RGPD1: variants seen among roughly 807,000 people sequenced by gnomAD.
The protein encoded by RGPD1 is RANBP2 like and GRIP domain containing 1.
In RGPD1, 7 loss-of-function variants were observed where a neutral mutation model predicts 40.6. The observed-to-expected ratio is 0.17, with a 90% confidence interval of 0.10 to 0.32. The LOEUF is 0.32. Ranked by LOEUF, RGPD1 falls within the 10% of genes least tolerant of loss-of-function variation. The pLI is 1.00. For synonymous variants in RGPD1, 24 were observed against 167.0 expected, an observed-to-expected ratio of 0.14 and a Z score of 6.60; for missense variants, 50 against 472.5, an observed-to-expected ratio of 0.11 and a Z score of 8.29.
chr2:86,920,143 C>G (rs1028021602), intron 1 of RGPD1, among the ~76,000 whole-genome samples: 1 of 151,926 alleles, frequency 6.6e-6, no homozygotes, highest in Non-Finnish European at 1.5e-5. Flanking sequence ...TATCCTGGCT[C>G]ATTACAACCT....
At chr2:86,945,353 T>C (rs1349976789) in intron 1 of RGPD1, among the ~76,000 whole-genome samples, 3 of 151,972 alleles carry the variant, frequency 2.0e-5, no homozygotes, top group Admixed American at 1.3e-4. Context: ...TAAAGTTAGG[T>C]TTGAGTGAAA....
At chr2:86,941,268 C>T (rs1219838589), upstream of RGPD1, among the ~76,000 whole-genome samples, 1 of 149,148 alleles carries the variant, frequency 6.7e-6, no homozygotes. Flanking sequence ...CCAAAATAGA[C>T]ATTTTTGAAG....
At chr2:86,914,131 GGGCGGCGGCGGC>G (rs1168224704) in intron 1 of RGPD1, among the ~76,000 whole-genome samples, 8 of 27,388 alleles carry the variant, frequency 2.9e-4, no homozygotes, top group East Asian at 1.2e-3. Context: ...CGGCCTGGCC[GGGCGGCGGCGGC>G]GGCGGCGGCG....
intron 1 of RGPD1, among the ~76,000 whole-genome samples, chr2:86,931,353 T>A (rs1426834404): frequency 6.6e-6 from 1 of 151,432 alleles, no homozygotes; most frequent in East Asian, 1.9e-4. Flanking sequence ...TTTTACTTGA[T>A]CCTCCGTGCT....
At chr2:86,941,450 C>T (rs1313733592), upstream of RGPD1, among the ~76,000 whole-genome samples, 1 of 148,890 alleles carries the variant, frequency 6.7e-6, no homozygotes, top group Non-Finnish European at 1.5e-5. Context: ...TGCAGTGGCG[C>T]TATCACAGTT....
chr2:86,914,253 G>GCCT (rs1428012109), intron 1 of RGPD1, among the ~76,000 whole-genome samples: 2 of 96,348 alleles, frequency 2.1e-5, no homozygotes, highest in Non-Finnish European at 4.1e-5. Context: ...GGCGGCGGCG[G>GCCT]CGGCCTCGGC....
In RGPD1 at chr2:86,942,141, C is replaced by A. The variant is rs1042285347; in HGVS notation, c.-96C>A. On this transcript the variant is annotated 5_prime_UTR_variant, in exon 1 of 23. Transcript: ENST00000641458. ...CGTCACAGTGGTCCTCCGCCGGCTA[C>A]GTCAGTGGCTTTCAGGCGCTTTCCT... The A allele has an allele frequency of 1.7e-5, 26 of 1,486,734 alleles. No individual in the cohort carries two copies. The highest frequency in any genetic ancestry group is 5.3e-5 in the East Asian group (2 of 37,784). The allele number at this position is 1,486,734 out of a possible 1,614,324, so 92.1% of individuals were successfully genotyped here. A position where few individuals can be genotyped will look rare whatever the true frequency, so the allele number is the denominator to read the frequency against.
intron 1 of RGPD1, among the ~76,000 whole-genome samples, chr2:86,942,920 C>T (rs1038002465): frequency 1.3e-4 from 20 of 151,930 alleles, no homozygotes; most frequent in African/African-American, 4.1e-4. Flanking sequence ...GGTGCTCGCT[C>T]GTGGGCCCGC....
chr2:86,941,240 A>G (rs1320909842), upstream of RGPD1, among the ~76,000 whole-genome samples: 1 of 150,428 alleles, frequency 6.6e-6, no homozygotes, highest in Non-Finnish European at 1.5e-5. Flanking sequence ...TAAAAGTAAG[A>G]TTTTAATATC....
chr2:86,940,960 A>T (rs1679695449), upstream of RGPD1, among the ~76,000 whole-genome samples: 1 of 152,074 alleles, frequency 6.6e-6, no homozygotes, highest in Admixed American at 6.6e-5. Context: ...CTTTTCTTTT[A>T]TTCACATCCA....
chr2:86,939,616 TTC>T (rs1679594365), upstream of RGPD1, among the ~76,000 whole-genome samples: 1 of 136,296 alleles, frequency 7.3e-6, no homozygotes, highest in African/African-American at 2.8e-5. Flanking sequence ...GAAAAGAAGG[TTC>T]TCTCTTTGGG....
chr2:86,998,792 G>A (rs28712581), intron 22 of RGPD1, among the ~76,000 whole-genome samples: 129 of 2,612 alleles, frequency 0.049, no homozygotes, highest in East Asian at 0.26. Flanking sequence ...CATCTCTAAC[G>A]GTTTTCAACT....
At chr2:86,944,844 A>ACTACAGGCATGCCAG (rs1277926375) in intron 1 of RGPD1, among the ~76,000 whole-genome samples, 3 of 151,856 alleles carry the variant, frequency 2.0e-5, no homozygotes, top group African/African-American at 4.8e-5. Context: ...GGTAGCTGAG[A>ACTACAGGCATGCCAG]CTACAGGCAT....
intron 1 of RGPD1, among the ~76,000 whole-genome samples, chr2:86,919,718 G>A (rs1391807476): frequency 1.7e-5 from 2 of 117,668 alleles, no homozygotes; most frequent in Non-Finnish European, 3.3e-5. Flanking sequence ...AATTACACCT[G>A]CCTCCATACC....
At chr2:86,954,780 C>G (rs1333392117) in intron 4 of RGPD1, among the ~76,000 whole-genome samples, 1 of 150,390 alleles carries the variant, frequency 6.6e-6, no homozygotes, top group African/African-American at 2.4e-5. Flanking sequence ...AGTTTTCTTT[C>G]ATTTTATCAT....
In RGPD1 at chr2:86,974,514, G is replaced by GT; in HGVS notation, c.1631+2dup. On this transcript the variant is annotated splice_donor_variant, in intron 11 of 22. Transcript: ENST00000641458. LOFTEE classifies it high-confidence loss of function. ...GTACTCTGATTCACAGAAAAGCAGTGTAAGTAGTAAAACAAAAATATTGCT... is the reference window on the plus strand; with the variant it reads ...GTACTCTGATTCACAGAAAAGCAGTGTTAAGTAGTAAAACAAAAATATTGCT... 1.8e-5 allele frequency: 4 copies of GT among 219,534 alleles called. No individual in the cohort carries two copies. Among genetic ancestry groups the GT allele is most frequent in the South Asian group, 3.6e-5 (1 of 27,668 alleles). The allele number at this position is 219,534 out of a possible 1,614,324, so 13.6% of individuals were successfully genotyped here. A position where few individuals can be genotyped will look rare whatever the true frequency, so the allele number is the denominator to read the frequency against.
At chr2:86,988,468 CA>C (rs1208500939) in intron 20 of RGPD1, among the ~76,000 whole-genome samples, 3 of 61,376 alleles carry the variant, frequency 4.9e-5, no homozygotes, top group South Asian at 7.3e-4. Context: ...AACAAAAAAA[CA>C]AAAAAAACCA....
rs567035757 is a variant in RGPD1 at position 86,942,684 on chromosome 2, C to T, written c.72+376C>T. Reference sequence around the variant, plus strand: ...GCGGCGGCGGCGGCCTCGACCTGGCCGGGCGGCGGTGGCCTCGACGTGGCC... The same window carrying T: ...GCGGCGGCGGCGGCCTCGACCTGGCTGGGCGGCGGTGGCCTCGACGTGGCC... On this transcript the variant is annotated intron_variant, in intron 1 of 22. Coordinates refer to ENST00000641458, the MANE Select transcript of RGPD1 (RefSeq NM_001382344.1). Among the ~76,000 whole-genome samples the T allele has an allele frequency of 4.3e-3, 599 of 137,844 alleles. 7 individuals carry two copies. The highest frequency in any genetic ancestry group is 8.5e-3 in the South Asian group (37 of 4,356). The allele number at this position is 137,844 out of a possible 152,430, so 90.4% of individuals were successfully genotyped here. A position where few individuals can be genotyped will look rare whatever the true frequency, so the allele number is the denominator to read the frequency against.
At chr2:86,938,623 TAAAA>T (rs1233812395), upstream of RGPD1, among the ~76,000 whole-genome samples, 3 of 151,642 alleles carry the variant, frequency 2.0e-5, no homozygotes, top group South Asian at 2.1e-4. Flanking sequence ...AATAAATAAA[TAAAA>T]AGAATTCCTT....
Sources: allele counts gnomAD v4.1 joint callset (sites outside exome capture counted in the v4.1 genomes callset), GRCh38; gene constraint gnomAD v4.1.1; transcripts MANE v1.5; gene names NCBI Gene and HGNC (gene_info 2026-07-23, HGNC 2026-07-21).